CAMK4: variants seen among roughly 807,000 people sequenced by gnomAD.
CAMK4 encodes the protein calcium/calmodulin dependent protein kinase IV.
A neutral mutation model predicts 44.9 loss-of-function variants in CAMK4; 22 were observed. That is an observed-to-expected ratio of 0.49 (90% confidence interval 0.35 to 0.70). The LOEUF (loss-of-function observed/expected upper bound fraction) is 0.70, where lower values mean the gene tolerates loss of function less well. CAMK4 is among the 30% of genes least tolerant of loss of function. The probability of loss-of-function intolerance (pLI) is 0.01; values close to 1 mark genes in which losing one functional copy is unlikely to be tolerated. For synonymous variants in CAMK4, 218 were observed against 215.4 expected (o/e 1.01, Z -0.11); for missense variants, 498 against 586.8 (o/e 0.85, Z 1.56).
intron 1 of CAMK4, among the ~76,000 whole-genome samples, chr5:111,243,648 T>G (rs1419803542): frequency 6.6e-6 from 1 of 152,166 alleles, no homozygotes; most frequent in African/African-American, 2.4e-5. Flanking sequence ...GCCAATATCT[T>G]CTTGTTTTTT....
At chr5:111,338,085 T>G (rs924515329) in intron 1 of CAMK4, among the ~76,000 whole-genome samples, 8 of 151,172 alleles carry the variant, frequency 5.3e-5, no homozygotes, top group Non-Finnish European at 3.0e-5. Context: ...TTTTCTCTGG[T>G]GAAGTATATG....
At chr5:111,311,807 T>C (rs932488135) in intron 1 of CAMK4, among the ~76,000 whole-genome samples, 9 of 152,190 alleles carry the variant, frequency 5.9e-5, no homozygotes, top group Admixed American at 5.2e-4. Context: ...ATCTTTGGTC[T>C]CATTCCAGTA....
chr5:111,378,194 A>G (rs1244878856), intron 4 of CAMK4, among the ~76,000 whole-genome samples: 7 of 152,080 alleles, frequency 4.6e-5, no homozygotes, highest in Non-Finnish European at 8.8e-5. Context: ...TTACTATGTA[A>G]GGACACAGCA....
chr5:111,298,734 G>T (rs1279993084), intron 1 of CAMK4, among the ~76,000 whole-genome samples: 1 of 152,212 alleles, frequency 6.6e-6, no homozygotes, highest in Non-Finnish European at 1.5e-5. Context: ...CCTGCATGGC[G>T]CTCCTCCTGT....
At chr5:111,432,779 A>T (rs1431293202) in intron 5 of CAMK4, among the ~76,000 whole-genome samples, 3 of 151,706 alleles carry the variant, frequency 2.0e-5, no homozygotes, top group African/African-American at 4.8e-5. Context: ...CTATTTGTTG[A>T]TATATACCAG....
chr5:111,362,066 G>A (rs1044342511), intron 2 of CAMK4, among the ~76,000 whole-genome samples: 4 of 151,998 alleles, frequency 2.6e-5, no homozygotes, highest in African/African-American at 9.7e-5. Flanking sequence ...GTCATTCTAG[G>A]AAAGGCACTG....
intron 2 of CAMK4, among the ~76,000 whole-genome samples, chr5:111,350,069 G>T (rs1246895084): frequency 1.3e-5 from 2 of 152,006 alleles, no homozygotes; most frequent in African/African-American, 2.4e-5. Flanking sequence ...CAGACAGACT[G>T]AGTTTAGGAT....
At chr5:111,405,551 C>G (rs1752393061) in intron 5 of CAMK4, among the ~76,000 whole-genome samples, 1 of 152,124 alleles carries the variant, frequency 6.6e-6, no homozygotes, top group Non-Finnish European at 1.5e-5. Flanking sequence ...CATAATACTC[C>G]TTTTTTCCCT....
At chr5:111,247,696 A>G (rs1749302096) in intron 1 of CAMK4, among the ~76,000 whole-genome samples, 1 of 152,110 alleles carries the variant, frequency 6.6e-6, no homozygotes, top group Non-Finnish European at 1.5e-5. Flanking sequence ...AAGGACTTTC[A>G]ACTGGTTGGA....
intron 1 of CAMK4, among the ~76,000 whole-genome samples, chr5:111,329,410 T>G (rs1749055716): frequency 6.6e-6 from 1 of 151,686 alleles, no homozygotes; most frequent in Non-Finnish European, 1.5e-5. Flanking sequence ...ATAAAGAGTA[T>G]TCAATTAGGA....
At chr5:111,291,104 T>C (rs752885424) in intron 1 of CAMK4, among the ~76,000 whole-genome samples, 7 of 152,162 alleles carry the variant, frequency 4.6e-5, no homozygotes, top group Non-Finnish European at 1.0e-4. Flanking sequence ...TCTAAAATAA[T>C]TATGCATTGG....
Position 111,462,604 on chromosome 5 carries a change from C to G in CAMK4, c.626-10707C>G, listed in dbSNP as rs575746776. 4.6e-5 allele frequency among the ~76,000 whole-genome samples: 7 copies of G among 152,300 alleles called. No homozygotes were observed. The South Asian group carries it at 1.5e-3, about 32-fold the overall frequency. On this transcript the variant is annotated intron_variant, in intron 7 of 10. Transcript: ENST00000282356. ...AGCTCTTCTGATGAAGAATGCCACT[C>G]TGTAGTTTTAACTCAGTAAGTAAGA... is the stretch of plus-strand genomic sequence containing the variant.
At chr5:111,351,095 G>T (rs1210433889) in intron 2 of CAMK4, among the ~76,000 whole-genome samples, 1 of 152,118 alleles carries the variant, frequency 6.6e-6, no homozygotes, top group Admixed American at 6.6e-5. Flanking sequence ...TTATATATGT[G>T]CATGTATATT....
At chr5:111,363,205 T>A (rs1184677496) in intron 2 of CAMK4, among the ~76,000 whole-genome samples, 1 of 152,098 alleles carries the variant, frequency 6.6e-6, no homozygotes, top group Non-Finnish European at 1.5e-5. Context: ...ATCTAGAGGC[T>A]CTTTGAAACA....
At chr5:111,406,519 T>A (rs1752437364) in intron 5 of CAMK4, among the ~76,000 whole-genome samples, 1 of 130,534 alleles carries the variant, frequency 7.7e-6, no homozygotes, top group South Asian at 2.8e-4. Context: ...CCTCCGTACC[T>A]GGCCAATTTT....
chr5:111,343,975 A>G (rs1177618563), intron 1 of CAMK4, 49 bp from the exon 2 acceptor site: 5 of 1,103,722 alleles, frequency 4.5e-6, no homozygotes, highest in Middle Eastern at 2.0e-4. Context: ...TTCCCCTTTA[A>G]TTCATGTCCA....
At chr5:111,404,759 C>T (rs937930486) in intron 5 of CAMK4, among the ~76,000 whole-genome samples, 6 of 152,104 alleles carry the variant, frequency 3.9e-5, no homozygotes, top group Admixed American at 2.0e-4. Flanking sequence ...CCAAGAACTC[C>T]ATTGTTAAGG....
chr5:111,358,307 G>A (rs908495173), intron 2 of CAMK4, among the ~76,000 whole-genome samples: 2 of 152,072 alleles, frequency 1.3e-5, no homozygotes, highest in Non-Finnish European at 2.9e-5. Context: ...CACATGGCTT[G>A]ATGTGATTCT....
chr5:111,290,834 A>G lies in CAMK4; in HGVS notation c.162-53190A>G, dbSNP rs1041398277. Among the ~76,000 whole-genome samples, 38 of 152,308 alleles carry G rather than the reference A, an allele frequency of 2.5e-4. No homozygotes were observed. Among genetic ancestry groups the G allele is most frequent in the African/African-American group, 9.1e-4 (38 of 41,568 alleles). On this transcript the variant is annotated intron_variant, in intron 1 of 10. Coordinates refer to ENST00000282356, the MANE Select transcript of CAMK4 (RefSeq NM_001744.6). The surrounding 1 kb of genome is among the most constrained non-coding windows in gnomAD (Gnocchi z 4.5). ...GAGTAGAAAATCACACGTCTCTTGG[A>G]GGTTTATTTAAAAGTGAATATGTAA...
Sources: gnomAD v4.1 joint callset for allele counts (sites outside exome capture counted in the v4.1 genomes callset) on GRCh38, gnomAD v4.1.1 for gene constraint, Gnocchi (gnomAD v3.1) non-coding constraint, MANE v1.5 for transcripts, NCBI Gene and HGNC (gene_info 2026-07-23, HGNC 2026-07-21) for gene names.